The following KAZN variants were observed in gnomAD, a reference collection of about 807,000 sequenced individuals.
KAZN encodes the protein kazrin.
A neutral mutation model predicts 87.4 loss-of-function variants in KAZN; 40 were observed. The observed-to-expected ratio is 0.46, with a 90% CI of 0.36 to 0.60. The LOEUF (loss-of-function observed/expected upper bound fraction) is 0.60, where lower values mean the gene tolerates loss of function less well. KAZN is among the 20% of genes least tolerant of loss of function. The pLI, the probability that KAZN is intolerant of heterozygous loss-of-function variation, is 0.00. For missense variants in KAZN, 898 were observed against 1,073.9 expected, an observed-to-expected ratio of 0.84 and a Z score of 2.29; for synonymous variants, 466 against 458.3, an observed-to-expected ratio of 1.02 and a Z score of -0.22.
At chr1:14,311,741 G>C (rs145365166) in intron 2 of KAZN, among the ~76,000 whole-genome samples, 3 of 152,264 alleles carry the variant, frequency 2.0e-5, no homozygotes, top group Non-Finnish European at 2.9e-5. Flanking sequence ...TGGATGGATG[G>C]AAGGATGAAT....
chr1:14,299,229 G>A (rs1453874452), intron 2 of KAZN, among the ~76,000 whole-genome samples: 1 of 152,202 alleles, frequency 6.6e-6, no homozygotes, highest in South Asian at 2.1e-4. Flanking sequence ...TAGGCCAAGT[G>A]TGGTGGTTCA....
chr1:14,896,148 G>C (rs61773597), intron 1 of KAZN, among the ~76,000 whole-genome samples: 1,552 of 149,820 alleles, frequency 0.01, 31 homozygotes, highest in African/African-American at 0.036. Flanking sequence ...TCTGCTTCCC[G>C]GGTTCAAGCG....
At chr1:14,056,933 A>G (rs1186590716) in intron 1 of KAZN, among the ~76,000 whole-genome samples, 3 of 151,456 alleles carry the variant, frequency 2.0e-5, no homozygotes, top group Non-Finnish European at 2.9e-5. Context: ...AGTCCCAGCT[A>G]CTCGGGAGAC....
At chr1:14,435,561 C>T (rs1235911942) in intron 2 of KAZN, among the ~76,000 whole-genome samples, 1 of 152,176 alleles carries the variant, frequency 6.6e-6, no homozygotes, top group Non-Finnish European at 1.5e-5. Context: ...GCCTCCCATT[C>T]CTTTGCCCCT....
intron 1 of KAZN, among the ~76,000 whole-genome samples, chr1:14,661,222 G>T (rs1639147952): frequency 1.3e-5 from 2 of 152,200 alleles, no homozygotes; most frequent in African/African-American, 4.8e-5. Flanking sequence ...ACTTGCTAGA[G>T]GTCAGAGGCA....
intron 1 of KAZN, among the ~76,000 whole-genome samples, chr1:13,908,144 T>C (rs1639516616): frequency 6.6e-6 from 1 of 152,256 alleles, no homozygotes; most frequent in African/African-American, 2.4e-5. Context: ...TTCCTGGACT[T>C]TGTTTCATAC....
intron 1 of KAZN, among the ~76,000 whole-genome samples, chr1:13,924,110 C>T (rs1313313494): frequency 6.6e-6 from 1 of 151,520 alleles, no homozygotes; most frequent in Non-Finnish European, 1.5e-5. Context: ...CTCACTGCTT[C>T]CCAGTGCCAT....
chr1:14,557,672 T>TGGTGTGTGA (rs1673992906), intron 2 of KAZN, among the ~76,000 whole-genome samples: 33 of 136,950 alleles, frequency 2.4e-4, no homozygotes, highest in African/African-American at 4.8e-4. Context: ...GTGTGGTGTG[T>TGGTGTGTGA]GAGAGAGAGA....
At chr1:14,971,681 CTT>C (rs1009399616) in intron 2 of KAZN, among the ~76,000 whole-genome samples, 2,851 of 104,724 alleles carry the variant, frequency 0.027, 73 homozygotes, top group African/African-American at 0.1. Flanking sequence ...TTTTCTTTTT[CTT>C]TTTTTTTTTT....
At chr1:14,218,235 T>C (rs1647001400) in intron 2 of KAZN, among the ~76,000 whole-genome samples, 1 of 152,118 alleles carries the variant, frequency 6.6e-6, no homozygotes, top group African/African-American at 2.4e-5. Flanking sequence ...AAAGTAAATA[T>C]AAATGCCAGG....
chr1:14,914,813 A>T (rs1657619964), intron 1 of KAZN, among the ~76,000 whole-genome samples: 1 of 151,632 alleles, frequency 6.6e-6, no homozygotes, highest in African/African-American at 2.4e-5. Context: ...TGAACCTTGG[A>T]TCCCTCATTG....
chr1:14,852,094 G>A (rs1350908639), intron 1 of KAZN, among the ~76,000 whole-genome samples: 2 of 152,136 alleles, frequency 1.3e-5, no homozygotes, highest in Admixed American at 1.3e-4. Context: ...CACCTGGGAG[G>A]CAAACGTAAA....
chr1:14,286,842 T>C (rs569040263), intron 2 of KAZN, among the ~76,000 whole-genome samples: 1 of 152,312 alleles, frequency 6.6e-6, no homozygotes, highest in South Asian at 2.1e-4. Context: ...TTTTTAGTCT[T>C]TAAATTTGTA....
chr1:14,092,381 G>A (rs575692185), intron 1 of KAZN, among the ~76,000 whole-genome samples: 4 of 150,460 alleles, frequency 2.7e-5, no homozygotes, highest in African/African-American at 9.7e-5. Context: ...GTGAGCCACC[G>A]TGCCCGGCCT....
chr1:14,390,301 A>C (rs1662306119), intron 2 of KAZN, among the ~76,000 whole-genome samples: 1 of 152,242 alleles, frequency 6.6e-6, no homozygotes, highest in Non-Finnish European at 1.5e-5. Flanking sequence ...AAAAGACAGA[A>C]AATAAGATTA....
chr1:14,799,154 G>C (rs1007952362), intron 1 of KAZN, among the ~76,000 whole-genome samples: 4 of 152,186 alleles, frequency 2.6e-5, no homozygotes, highest in African/African-American at 9.7e-5. Context: ...GCTGACATTT[G>C]TGGCATTGTT....
At position 14,354,256 on chromosome 1, in the gene KAZN, A is replaced by T. The variant is rs1658799616; in HGVS notation, c.249+173664A>T. Among the ~76,000 whole-genome samples, 3 of 152,316 alleles carry T rather than the reference A, an allele frequency of 2.0e-5. No individual in the cohort carries two copies. The Middle Eastern group carries it at 0.01, about 518-fold the overall frequency. On this transcript the variant is annotated intron_variant, in intron 2 of 16. Transcript: ENST00000636203. ...AGAAACTACAGGGAAATATATTCACAATCTAAGGTTAGGCAAAGGTTCCTT... is the reference window on the plus strand; with the variant it reads ...AGAAACTACAGGGAAATATATTCACTATCTAAGGTTAGGCAAAGGTTCCTT...
chr1:14,166,348 A>G (rs1645826971), intron 1 of KAZN, among the ~76,000 whole-genome samples: 1 of 152,194 alleles, frequency 6.6e-6, no homozygotes, highest in Admixed American at 6.5e-5. Flanking sequence ...ATGAAGTCAT[A>G]GTGATTTCAT....
At chr1:14,737,342 TG>T (rs1643939790) in intron 1 of KAZN, among the ~76,000 whole-genome samples, 1 of 152,112 alleles carries the variant, frequency 6.6e-6, no homozygotes, top group Non-Finnish European at 1.5e-5. Flanking sequence ...GGTTTTCGAA[TG>T]GGTGGATCCA....
Sources: gnomAD v4.1 joint callset for allele counts (sites outside exome capture counted in the v4.1 genomes callset) on GRCh38, gnomAD v4.1.1 for gene constraint, MANE v1.5 for transcripts, NCBI Gene and HGNC (gene_info 2026-07-23, HGNC 2026-07-21) for gene names.